Variants in FAM20C observed in about 807,000 individuals in gnomAD.
FAM20C encodes extracellular serine/threonine protein kinase FAM20C.
In FAM20C, 40 loss-of-function variants were observed where a neutral mutation model predicts 51.5. The ratio of observed to expected loss-of-function variants is 0.78; its 90% CI spans 0.60 to 1.01. The LOEUF (loss-of-function observed/expected upper bound fraction) is 1.01. Among genes scored for constraint, FAM20C ranks in the 50% least tolerant of loss-of-function variants. The probability of loss-of-function intolerance (pLI) is 0.00; values close to 1 mark genes in which losing one functional copy is unlikely to be tolerated. For missense variants in FAM20C, 861 were observed against 844.7 expected (o/e 1.02, Z -0.24); for synonymous variants, 406 against 380.6 (o/e 1.07, Z -0.78).
In FAM20C at chr7:259,374, C is replaced by T. The variant is rs559883247; in HGVS notation, c.1506-357C>T. On this transcript the variant is annotated intron_variant, in intron 9 of 9. Coordinates refer to ENST00000313766, the MANE Select transcript of FAM20C (RefSeq NM_020223.4). The stretch of plus-strand genomic sequence containing the variant: ...CCACGCCGAAGCAGGTCACACAGCC[C>T]GGAGGCTGATGAGGTGTTGGATCGC... 7.2e-5 allele frequency among the ~76,000 whole-genome samples: 11 copies of T among 152,290 alleles called. No homozygotes were observed. In the South Asian group the frequency reaches 1.9e-3, roughly 26 times the overall value.
chr7:248,993 C>G (rs1240327616), intron 5 of FAM20C, among the ~76,000 whole-genome samples: 1 of 152,272 alleles, frequency 6.6e-6, no homozygotes, highest in Non-Finnish European at 1.5e-5. Context: ...AGCCCACGGA[C>G]AGCTTCAAGG....
chr7:254,453 C>A (rs1562398540), intron 5 of FAM20C, among the ~76,000 whole-genome samples: 1 of 152,214 alleles, frequency 6.6e-6, no homozygotes, highest in African/African-American at 2.4e-5. Context: ...TCTCCACAAA[C>A]AAATAAAGCA....
intron 3 of FAM20C, among the ~76,000 whole-genome samples, chr7:231,179 A>G (rs2115118030): frequency 6.6e-6 from 1 of 152,274 alleles, no homozygotes; most frequent in Admixed American, 6.5e-5. Flanking sequence ...CCCAACCATC[A>G]TGCAGACGGG....
At chr7:255,816 G>C (rs1341562811) in intron 5 of FAM20C, 33 bp from the exon 6 acceptor site, 5 of 1,535,810 alleles carry the variant, frequency 3.3e-6, no homozygotes, top group Non-Finnish European at 4.4e-6. Flanking sequence ...AGCCCTGTGC[G>C]GCCCTGGTAA....
At chr7:212,830 G>A (rs557550202) in intron 3 of FAM20C, among the ~76,000 whole-genome samples, 5 of 152,230 alleles carry the variant, frequency 3.3e-5, no homozygotes, top group South Asian at 2.1e-4. Context: ...CAAGCCATGC[G>A]ATTCACCCAC....
At chr7:247,908 G>T (rs1272224644) in intron 4 of FAM20C, among the ~76,000 whole-genome samples, 2 of 152,286 alleles carry the variant, frequency 1.3e-5, no homozygotes, top group Non-Finnish European at 2.9e-5. Flanking sequence ...TCCTCCGTCA[G>T]CAAGAAAAGC....
In FAM20C at chr7:255,658, C is replaced by A. The variant is rs36193175; in HGVS notation, c.1073-191C>A. Among the ~76,000 whole-genome samples, 95,267 of 151,790 alleles carry A rather than the reference C, an allele frequency of 0.63. 30,402 individuals are homozygous for A. Among genetic ancestry groups the A allele is most frequent in the African/African-American group, 0.71 (29,461 of 41,362 alleles). On this transcript the variant is annotated intron_variant, in intron 5 of 9. Coordinates refer to ENST00000313766, the MANE Select transcript of FAM20C (RefSeq NM_020223.4). The stretch of plus-strand genomic sequence containing the variant: ...TCTGGGGAGCTGTGTGGCCTCGGGA[C>A]GTCAGCTCTGTGGGTTCATTTTTCT...
chr7:218,370 C>T (rs745349746), intron 3 of FAM20C, among the ~76,000 whole-genome samples: 3 of 152,234 alleles, frequency 2.0e-5, no homozygotes, highest in Non-Finnish European at 2.9e-5. Context: ...GCGGGGCCTC[C>T]GTCCAGTGCC....
In FAM20C at chr7:193,710, C is replaced by T; in HGVS notation, c.511C>T (p.Arg171Trp). 7 of 1,546,428 alleles carry T rather than the reference C, an allele frequency of 4.5e-6. No homozygotes were observed. Among genetic ancestry groups the T allele is most frequent in the Middle Eastern group, 1.8e-4 (1 of 5,508 alleles). Residue 171 changes from arginine to tryptophan, a missense_variant, in exon 1 of 10, where the codon CGG becomes TGG. Arg to Trp is a moderately radical substitution (Grantham distance 101). Around this residue, in one of 3 missense-constraint regions of FAM20C, gnomAD observed 561 missense variants for 499.8 expected, o/e 1.12. Coordinates refer to ENST00000313766, the MANE Select transcript of FAM20C (RefSeq NM_020223.4). ...CAGGCTGTTCGAGCACCCGCTTTACCGGGTGGCGGTTCCGCCGCTCACGGA... is the reference window on the plus strand; with the variant it reads ...CAGGCTGTTCGAGCACCCGCTTTACTGGGTGGCGGTTCCGCCGCTCACGGA... The part of the protein sequence containing the change: ...LARLFEHPLY[R>W]VAVPPLTEED...
chr7:259,471 T>TGTCC (rs1361925768), intron 9 of FAM20C, among the ~76,000 whole-genome samples: 5 of 146,810 alleles, frequency 3.4e-5, no homozygotes, highest in Non-Finnish European at 7.7e-5. Flanking sequence ...TCTCTCTGTC[T>TGTCC]CGGTCTGCCT....
chr7:208,797 G>A, intron 2 of FAM20C, 101 bp from the exon 3 acceptor site: 2 of 1,228,810 alleles, frequency 1.6e-6, no homozygotes, highest in Non-Finnish European at 2.3e-6. Context: ...CCTGGACCAT[G>A]CCCAGAGGAC....
chr7:259,755 T>G lies in FAM20C; in HGVS notation c.1530T>G (p.Arg510=). 1 of 1,536,322 alleles carries G rather than the reference T, an allele frequency of 6.5e-7. No individual in the cohort carries two copies. Among genetic ancestry groups the G allele is most frequent in the South Asian group, 1.2e-5 (1 of 83,986 alleles). Residue 510 remains arginine, a synonymous_variant, in exon 10 of 10, where the codon CGT becomes CGG. Coordinates refer to ENST00000313766, the MANE Select transcript of FAM20C (RefSeq NM_020223.4). ...CCRIRKSTYL[R]LQLLAKEEYK... ...GGATCCGGAAGTCCACCTACCTGCG[T>G]CTGCAGCTCCTGGCCAAGGAGGAGT...
chr7:210,430 G>A lies in FAM20C; in HGVS notation c.863+1454G>A, dbSNP rs78103088. 4.1e-3 allele frequency among the ~76,000 whole-genome samples: 616 copies of A among 151,346 alleles called. 2 individuals are homozygous for A. The highest frequency in any genetic ancestry group is 0.014 in the African/African-American group (580 of 41,224). On this transcript the variant is annotated intron_variant, in intron 3 of 9. Transcript: ENST00000313766. ...TTTCAGGATGCTGTGGTGTGGAGCC[G>A]GGGGTGGGCAGGAGACAAATGAGCC...
At position 222,792 on chromosome 7, in the gene FAM20C, G is replaced by A. The variant is rs114140358; in HGVS notation, c.863+13816G>A. Among the ~76,000 whole-genome samples the A allele has an allele frequency of 2.1e-3, 323 of 152,296 alleles. 3 individuals carry two copies. The highest frequency in any genetic ancestry group is 7.5e-3 in the African/African-American group (310 of 41,546). ...TATGAGTAGGTGAGCGTGTGGGTGT[G>A]CATTGCCTGTGTATGCATGTGTATG... On this transcript the variant is annotated intron_variant, in intron 3 of 9. Coordinates refer to ENST00000313766, the MANE Select transcript of FAM20C (RefSeq NM_020223.4).
intron 4 of FAM20C, 35 bp downstream of exon 4, chr7:246,542 CG>C (rs1788171117): frequency 2.3e-6 from 3 of 1,278,040 alleles, no homozygotes; most frequent in Non-Finnish European, 3.0e-6. Context: ...TCCGCGCTCC[CG>C]TGCGCTCAGA....
chr7:198,243 A>T (rs1785973634), intron 2 of FAM20C, among the ~76,000 whole-genome samples: 1 of 152,236 alleles, frequency 6.6e-6, no homozygotes. Flanking sequence ...CAGGCAGGAC[A>T]GCAGGCTCTG....
chr7:196,716 G>A (rs189978508), intron 2 of FAM20C, among the ~76,000 whole-genome samples: 94 of 152,330 alleles, frequency 6.2e-4, no homozygotes, highest in African/African-American at 2.0e-3. Flanking sequence ...GGACTTAGGT[G>A]TCCCCTTTCA....
chr7:234,496 C>T (rs1787793117), intron 3 of FAM20C, among the ~76,000 whole-genome samples: 1 of 152,150 alleles, frequency 6.6e-6, no homozygotes, highest in Non-Finnish European at 1.5e-5. Context: ...CGGGACTCCT[C>T]TGAGCCCTGG....
intron 3 of FAM20C, among the ~76,000 whole-genome samples, chr7:231,496 G>T (rs146107688): frequency 1.3e-5 from 2 of 150,934 alleles, no homozygotes; most frequent in Admixed American, 6.6e-5. Flanking sequence ...GGGTCCCGGC[G>T]TCGAGGGCCC....
Sources: gnomAD v4.1 joint callset for allele counts (sites outside exome capture counted in the v4.1 genomes callset) on GRCh38, gnomAD v4.1.1 for gene constraint, gnomAD v4.1.1 regional missense constraint, MANE v1.5 for transcripts, NCBI Gene and HGNC (gene_info 2026-07-23, HGNC 2026-07-21) for gene names.